The following KBTBD11 variants were observed in gnomAD, a reference collection of about 807,000 sequenced individuals.
The protein encoded by KBTBD11 is kelch repeat and BTB domain containing 11.
For missense variants in KBTBD11, 1,390 were observed against 1,001.8 expected, an observed-to-expected ratio of 1.39 and a Z score of -5.23; for synonymous variants, 747 against 499.0, an observed-to-expected ratio of 1.50 and a Z score of -6.63.
Position 2,002,863 on chromosome 8 carries a change from C to G in KBTBD11, c.1671C>G (p.Ala557=). ...GCCTGCAGCCCTTCCGCTGCGCCGCCCTGGACGGCGCCATCTACTGCGTGA... is the reference window on the plus strand; with the variant it reads ...GCCTGCAGCCCTTCCGCTGCGCCGCGCTGGACGGCGCCATCTACTGCGTGA... ...PTGLQPFRCA[A]LDGAIYCVSR... is the part of the protein sequence containing the mutation. Residue 557 remains alanine, a synonymous_variant, in exon 2 of 2, where the codon GCC becomes GCG. Transcript: ENST00000320248. The surrounding 1 kb of genome is among the most constrained non-coding windows in gnomAD (Gnocchi z 4.1). The G allele has an allele frequency of 7.3e-7, 1 of 1,374,322 alleles. No homozygotes were observed. Among genetic ancestry groups the G allele is most frequent in the Non-Finnish European group, 9.3e-7 (1 of 1,073,004 alleles). 85.1% of individuals were successfully genotyped at this position (1,374,322 alleles called of 1,614,324 possible).
chr8:1,989,397 C>T (rs1312781666), intron 1 of KBTBD11, among the ~76,000 whole-genome samples: 1 of 152,192 alleles, frequency 6.6e-6, no homozygotes. Flanking sequence ...AGAGCGAGGA[C>T]AGGCGCCAGC....
At position 2,001,775 on chromosome 8, in the gene KBTBD11, C is replaced by T. The variant is rs1357469801; in HGVS notation, c.583C>T (p.Arg195Cys). Residue 195 changes from arginine (R) to cysteine (C), a missense_variant, in exon 2 of 2, where the codon CGC becomes TGC. Arg to Cys is a radical substitution (Grantham distance 180). Transcript: ENST00000320248. Reference sequence around the variant, plus strand: ...GCTCCTCGCCGACGCCTACAGCGGGCGCATGGCGGGCGTGCGGCCCGACAA... The same window carrying T: ...GCTCCTCGCCGACGCCTACAGCGGGTGCATGGCGGGCGTGCGGCCCGACAA... ...RLLLADAYSG[R>C]MAGVRPDNVA... 4 of 1,278,500 alleles carry T rather than the reference C, an allele frequency of 3.1e-6. No homozygotes were observed. Among genetic ancestry groups the T allele is most frequent in the Admixed American group, 4.0e-5 (1 of 24,820 alleles). The allele number at this position is 1,278,500 out of a possible 1,614,324, so 79.2% of individuals were successfully genotyped here.
chr8:1,992,028 A>G (rs1816938270), intron 1 of KBTBD11, among the ~76,000 whole-genome samples: 1 of 152,066 alleles, frequency 6.6e-6, no homozygotes, highest in Non-Finnish European at 1.5e-5. Flanking sequence ...CCTTTAGTTG[A>G]GGAACGTCTA....
At chr8:1,998,785 C>T (rs559986950) in intron 1 of KBTBD11, among the ~76,000 whole-genome samples, 14 of 134,888 alleles carry the variant, frequency 1.0e-4, no homozygotes, top group South Asian at 8.6e-4. Flanking sequence ...CTCTCTCTCT[C>T]CTTTGCATGA....
chr8:2,003,323 G>A lies in KBTBD11; in HGVS notation c.*259G>A. The A allele has an allele frequency of 2.4e-6, 1 of 417,742 alleles. No individual in the cohort carries two copies. Among genetic ancestry groups the A allele is most frequent in the Non-Finnish European group, 4.0e-6 (1 of 250,204 alleles). The allele number at this position is 417,742 out of a possible 1,614,324, so 25.9% of individuals were successfully genotyped here. Reference sequence around the variant, plus strand: ...CCTTGACAGACAGGACACAGAGAAGGCTGTGGGATCCAAAGGGTCAGCCTC... The same window carrying A: ...CCTTGACAGACAGGACACAGAGAAGACTGTGGGATCCAAAGGGTCAGCCTC... On this transcript the variant is annotated 3_prime_UTR_variant, in exon 2 of 2. Transcript: ENST00000320248.
intron 1 of KBTBD11, among the ~76,000 whole-genome samples, chr8:1,981,234 C>T (rs980548485): frequency 2.0e-5 from 3 of 152,176 alleles, no homozygotes; most frequent in Admixed American, 6.5e-5. Flanking sequence ...CTTTGCCAAG[C>T]AAACATCAGC....
Position 2,002,129 on chromosome 8 carries a change from C to T in KBTBD11, c.937C>T (p.Gln313Ter), listed in dbSNP as rs1817397827. 1.8e-6 allele frequency: 2 copies of T among 1,135,602 alleles called. No individual in the cohort carries two copies. Among genetic ancestry groups the T allele is most frequent in the Non-Finnish European group, 2.2e-6 (2 of 929,164 alleles). The allele number at this position is 1,135,602 out of a possible 1,614,324, so 70.3% of individuals were successfully genotyped here. A position where few individuals can be genotyped will look rare whatever the true frequency, so the allele number is the denominator to read the frequency against. Residue 313 changes from glutamine to a stop codon, truncating the protein, a stop_gained, in exon 2 of 2, where the codon CAG becomes TAG. Transcript: ENST00000320248. LOFTEE classifies it low-confidence loss of function (END_TRUNC). The surrounding 1 kb of genome is among the most constrained non-coding windows in gnomAD (Gnocchi z 4.1). ...PAGERAGSRP[Q>*]SPSGDADARG... ...GGGGGAGCGCGCGGGCAGCCGGCCT[C>T]AGAGCCCCTCGGGGGACGCGGACGC...
chr8:1,993,508 T>TCCATCCATCCAC (rs1294267721), intron 1 of KBTBD11, among the ~76,000 whole-genome samples: 2 of 103,194 alleles, frequency 1.9e-5, no homozygotes, highest in Admixed American at 1.1e-4. Flanking sequence ...CATCCATCCA[T>TCCATCCATCCAC]CCATCCATCC....
In KBTBD11 at chr8:2,002,921, C is replaced by G; in HGVS notation, c.1729C>G (p.Arg577Gly). ...RAGTWRFQPAREGEAGGDAGQ... is the reference protein window; with the variant it reads ...RAGTWRFQPAGEGEAGGDAGQ... ...GGGCACCTGGCGCTTCCAGCCTGCCCGGGAAGGCGAGGCCGGCGGCGACGC... is the reference window on the plus strand; with the variant it reads ...GGGCACCTGGCGCTTCCAGCCTGCCGGGGAAGGCGAGGCCGGCGGCGACGC... Residue 577 changes from arginine (R) to glycine (G), a missense_variant, in exon 2 of 2, where the codon CGG (arginine) becomes GGG (glycine). Physicochemically the swap from Arg to Gly is moderately radical, Grantham distance 125 (BLOSUM62 -2). Transcript: ENST00000320248. This position sits in a 1 kb window ranked among gnomAD's most constrained non-coding sequence, Gnocchi z 4.1. The G allele has an allele frequency of 4.5e-6, 6 of 1,321,752 alleles. No individual in the cohort carries two copies. Among genetic ancestry groups the G allele is most frequent in the Non-Finnish European group, 4.8e-6 (5 of 1,039,080 alleles). 81.9% of individuals were successfully genotyped at this position (1,321,752 alleles called of 1,614,324 possible).
chr8:1,985,599 C>T (rs994498098), intron 1 of KBTBD11, among the ~76,000 whole-genome samples: 3 of 152,258 alleles, frequency 2.0e-5, no homozygotes, highest in African/African-American at 7.2e-5. Flanking sequence ...GAACTGTTCT[C>T]TCATCTCACC....
rs1817561341 is a variant in KBTBD11 at position 2,005,978 on chromosome 8, A to T, written c.*2914A>T. The T allele has an allele frequency of 6.0e-6, 1 of 166,960 alleles. No homozygotes were observed. Among genetic ancestry groups the T allele is most frequent in the Non-Finnish European group, 1.5e-5 (1 of 68,098 alleles). 10.3% of individuals were successfully genotyped at this position (166,960 alleles called of 1,614,324 possible). ...CGGTTTTATTCTTCCTCTTGGGAAC[A>T]TCCCTCCACTCCGCACTGCTTCCTG... is the stretch of plus-strand genomic sequence containing the variant. On this transcript the variant is annotated 3_prime_UTR_variant, in exon 2 of 2. Coordinates refer to ENST00000320248, the MANE Select transcript of KBTBD11 (RefSeq NM_014867.3).
At position 2,002,252 on chromosome 8, in the gene KBTBD11, C is replaced by T. The variant is rs1817405229; in HGVS notation, c.1060C>T (p.Leu354=). Residue 354 remains leucine (L), a synonymous_variant, in exon 2 of 2, where the codon CTG becomes TTG. Coordinates refer to ENST00000320248, the MANE Select transcript of KBTBD11 (RefSeq NM_014867.3). The surrounding 1 kb of genome is among the most constrained non-coding windows in gnomAD (Gnocchi z 4.1). ...PEGAPARGCG[L]CVLYNYLFVA... ...GGGCGCGCCGGCGCGGGGCTGCGGCCTGTGCGTCCTCTACAACTACCTCTT... is the reference window on the plus strand; with the variant it reads ...GGGCGCGCCGGCGCGGGGCTGCGGCTTGTGCGTCCTCTACAACTACCTCTT... The T allele has an allele frequency of 2.3e-6, 3 of 1,297,098 alleles. No individual in the cohort carries two copies. Among genetic ancestry groups the T allele is most frequent in the South Asian group, 4.4e-5 (2 of 45,944 alleles). 80.3% of individuals were successfully genotyped at this position (1,297,098 alleles called of 1,614,324 possible). A position where few individuals can be genotyped will look rare whatever the true frequency, so the allele number is the denominator to read the frequency against.
At chr8:1,988,117 T>A (rs920542332) in intron 1 of KBTBD11, among the ~76,000 whole-genome samples, 6 of 152,350 alleles carry the variant, frequency 3.9e-5, no homozygotes, top group Admixed American at 1.3e-4. Flanking sequence ...ACATTTTCTT[T>A]ATCCAGTCTA....
intron 1 of KBTBD11, among the ~76,000 whole-genome samples, chr8:1,982,749 T>TA (rs1031617106): frequency 2.0e-5 from 3 of 151,882 alleles, no homozygotes; most frequent in African/African-American, 7.3e-5. Context: ...TGAGCACTTT[T>TA]TTTTTTTTTT....
rs1449640170 is a variant in KBTBD11 at position 2,001,646 on chromosome 8, C to T, written c.454C>T (p.Arg152Cys). The T allele has an allele frequency of 6.8e-7, 1 of 1,477,998 alleles. No homozygotes were observed. Among genetic ancestry groups the T allele is most frequent in the Non-Finnish European group, 8.9e-7 (1 of 1,119,880 alleles). The allele number at this position is 1,477,998 out of a possible 1,614,324, so 91.6% of individuals were successfully genotyped here. The change falls in exon 2 of 2, where the codon CGC (arginine) becomes TGC (cysteine). Residue 152 changes from arginine to cysteine, a missense_variant. Coordinates refer to ENST00000320248, the MANE Select transcript of KBTBD11 (RefSeq NM_014867.3). ...GCTGGAGGTGTCGGGGCGCCGGCTGCGCGCGCACAAGGCGGTGCTGGCGGC... is the reference window on the plus strand; with the variant it reads ...GCTGGAGGTGTCGGGGCGCCGGCTGTGCGCGCACAAGGCGGTGCTGGCGGC... ...LVLEVSGRRL[R>C]AHKAVLAARS... is the part of the protein sequence containing the mutation.
At chr8:1,978,023 G>T (rs1816408392) in intron 1 of KBTBD11, among the ~76,000 whole-genome samples, 1 of 152,192 alleles carries the variant, frequency 6.6e-6, no homozygotes, top group Admixed American at 6.5e-5. Context: ...AAGTTGCAGG[G>T]TACATGTGCG....
Position 2,005,795 on chromosome 8 carries a change from C to G in KBTBD11, c.*2731C>G, listed in dbSNP as rs1454299753. 1 of 167,090 alleles carries G rather than the reference C, an allele frequency of 6.0e-6. No individual in the cohort carries two copies. Among genetic ancestry groups the G allele is most frequent in the Non-Finnish European group, 1.5e-5 (1 of 68,134 alleles). 10.4% of individuals were successfully genotyped at this position (167,090 alleles called of 1,614,324 possible). On this transcript the variant is annotated 3_prime_UTR_variant, in exon 2 of 2. Coordinates refer to ENST00000320248, the MANE Select transcript of KBTBD11 (RefSeq NM_014867.3). ...GTGAAATTAACCCATACGCAGGGGC[C>G]TTTCCAAATGTCTGAAAAGGCAGTG...
intron 1 of KBTBD11, among the ~76,000 whole-genome samples, chr8:1,985,728 G>A (rs1303917321): frequency 6.6e-6 from 1 of 152,226 alleles, no homozygotes; most frequent in Admixed American, 6.5e-5. Flanking sequence ...GGGAGTCCCA[G>A]GCTGCAGTGA....
intron 1 of KBTBD11, among the ~76,000 whole-genome samples, chr8:1,983,156 G>A (rs575713648): frequency 6.6e-6 from 1 of 152,196 alleles, no homozygotes; most frequent in Non-Finnish European, 1.5e-5. Context: ...ACTCACTTCT[G>A]TGCCACCCAC....
Sources: allele counts gnomAD v4.1 joint callset (sites outside exome capture counted in the v4.1 genomes callset), GRCh38; gene constraint gnomAD v4.1.1; non-coding constraint Gnocchi (gnomAD v3.1); transcripts MANE v1.5; gene names NCBI Gene and HGNC (gene_info 2026-07-23, HGNC 2026-07-21).